KPNA1: variants seen among roughly 807,000 people sequenced by gnomAD.
KPNA1 encodes the protein importin subunit alpha-5.
In KPNA1, 10 loss-of-function variants were observed where a neutral mutation model predicts 70.5. The ratio of observed to expected loss-of-function variants is 0.14; its 90% CI spans 0.09 to 0.24. KPNA1 has a LOEUF of 0.24. Ranked by LOEUF, KPNA1 falls within the 10% of genes least tolerant of loss-of-function variation. KPNA1 has a pLI of 1.00. For synonymous variants in KPNA1, 192 were observed against 221.9 expected (o/e 0.87, Z 1.20); for missense variants, 397 against 637.9 (o/e 0.62, Z 4.07).
At chr3:122,432,348 T>C (rs980275721) in intron 12 of KPNA1, 3 of 152,238 alleles carry the variant, frequency 2.0e-5, no homozygotes, top group Admixed American at 6.5e-5. Context: ...TTCACCAAAA[T>C]AGCTACTGCA....
At chr3:122,485,319 T>C (rs547530881) in intron 2 of KPNA1, among the ~76,000 whole-genome samples, 31 of 152,244 alleles carry the variant, frequency 2.0e-4, no homozygotes, top group African/African-American at 7.0e-4. Flanking sequence ...GCTAGATAAA[T>C]AGACCAATAG....
At chr3:122,491,521 A>G (rs923464281) in intron 2 of KPNA1, among the ~76,000 whole-genome samples, 1 of 152,244 alleles carries the variant, frequency 6.6e-6, no homozygotes, top group African/African-American at 2.4e-5. Context: ...ACATGCAACT[A>G]ATACTACTAG....
chr3:122,497,299 A>G (rs1235646910), intron 1 of KPNA1, among the ~76,000 whole-genome samples: 2 of 152,164 alleles, frequency 1.3e-5, no homozygotes, highest in Admixed American at 6.5e-5. Context: ...ATTCCATTCT[A>G]TATATATACC....
chr3:122,460,257 C>G, intron 5 of KPNA1: 1 of 984,804 alleles, frequency 1.0e-6, no homozygotes. Flanking sequence ...TCTAAAAACC[C>G]AACTTTATCC....
chr3:122,458,283 T>C (rs1350439637), intron 5 of KPNA1, among the ~76,000 whole-genome samples: 1 of 152,182 alleles, frequency 6.6e-6, no homozygotes, highest in Non-Finnish European at 1.5e-5. Flanking sequence ...ACCAGTCTCA[T>C]GACAAGGGCT....
chr3:122,464,497 C>A (rs2076359329), intron 3 of KPNA1, among the ~76,000 whole-genome samples: 1 of 152,166 alleles, frequency 6.6e-6, no homozygotes, highest in African/African-American at 2.4e-5. Flanking sequence ...CTGTAACTTC[C>A]TTGTAAGCCC....
At chr3:122,445,597 A>G (rs921815491) in intron 9 of KPNA1, among the ~76,000 whole-genome samples, 2 of 152,250 alleles carry the variant, frequency 1.3e-5, no homozygotes, top group Non-Finnish European at 2.9e-5. Context: ...CAATGCTGGG[A>G]AGAAACTGCA....
intron 9 of KPNA1, among the ~76,000 whole-genome samples, chr3:122,447,062 T>C (rs1444560122): frequency 2.0e-5 from 3 of 152,118 alleles, no homozygotes; most frequent in Admixed American, 6.5e-5. Context: ...CAGGACCAGA[T>C]GGATTCACAG....
chr3:122,460,270 G>A (rs897457845), intron 5 of KPNA1: 4 of 984,390 alleles, frequency 4.1e-6, no homozygotes, highest in East Asian at 1.1e-4. Flanking sequence ...CTTTATCCAG[G>A]GGGAAAAAAA....
chr3:122,449,462 A>G, intron 9 of KPNA1, 112 bp downstream of exon 9: 2 of 890,256 alleles, frequency 2.2e-6, no homozygotes, highest in South Asian at 3.7e-5. Context: ...ACAGTAGCCC[A>G]AAGCACAATA....
intron 2 of KPNA1, 84 bp from the exon 3 acceptor site, chr3:122,467,513 A>C: frequency 7.0e-6 from 5 of 712,100 alleles, no homozygotes; most frequent in Non-Finnish European, 1.2e-5. Flanking sequence ...CACCCCATTC[A>C]AAGTGAAGTC....
Position 122,433,712 on chromosome 3 carries a change from G to A in KPNA1, c.1199C>T (p.Ala400Val). ...AGTTGCATTTGTGATGGCCCAAGCT[G>A]CTTCTTTTCTTGTCCGAAATTCAGC... ...QTAEFRTRKE[A>V]AWAITNATSG... is the part of the protein sequence containing the mutation. Residue 400 changes from alanine (A) to valine (V), a missense_variant, in exon 12 of 14, where the codon GCA becomes GTA. Ala to Val is a moderately conservative substitution (Grantham distance 64, BLOSUM62 0). Coordinates refer to ENST00000344337, the MANE Select transcript of KPNA1 (RefSeq NM_002264.4). 6.2e-7 allele frequency: 1 copy of A among 1,613,548 alleles called. No homozygotes were observed. The highest frequency in any genetic ancestry group is 8.5e-7 in the Non-Finnish European group (1 of 1,179,712).
intron 2 of KPNA1, among the ~76,000 whole-genome samples, chr3:122,472,281 T>C (rs144246223): frequency 5.6e-4 from 85 of 151,898 alleles, no homozygotes; most frequent in African/African-American, 2.0e-3. Flanking sequence ...ATAACAGAAA[T>C]ATAATTTTTA....
intron 9 of KPNA1, among the ~76,000 whole-genome samples, chr3:122,444,681 G>A (rs891961451): frequency 2.0e-5 from 3 of 152,192 alleles, no homozygotes; most frequent in African/African-American, 4.8e-5. Context: ...GAAGCTTCCA[G>A]AGAAAATATC....
At chr3:122,481,362 A>G (rs1012119631) in intron 2 of KPNA1, among the ~76,000 whole-genome samples, 2 of 152,250 alleles carry the variant, frequency 1.3e-5, no homozygotes, top group African/African-American at 4.8e-5. Flanking sequence ...GTACCAATAC[A>G]TGTTACAACA....
chr3:122,501,171 G>C (rs555216854), intron 1 of KPNA1, among the ~76,000 whole-genome samples: 2 of 151,526 alleles, frequency 1.3e-5, no homozygotes, highest in Non-Finnish European at 2.9e-5. Flanking sequence ...TAGGGTTACA[G>C]GCGACTGCCA....
intron 2 of KPNA1, among the ~76,000 whole-genome samples, chr3:122,468,086 T>C (rs2076401145): frequency 6.6e-6 from 1 of 152,178 alleles, no homozygotes; most frequent in African/African-American, 2.4e-5. Flanking sequence ...TCTCTCACGC[T>C]GAACAACTAA....
intron 9 of KPNA1, among the ~76,000 whole-genome samples, chr3:122,444,385 T>A (rs2076106965): frequency 6.6e-6 from 1 of 152,194 alleles, no homozygotes; most frequent in Admixed American, 6.5e-5. Flanking sequence ...ATTAAGAGAT[T>A]AAAGACAGGC....
chr3:122,470,543 A>AATAG (rs892317668), intron 2 of KPNA1, among the ~76,000 whole-genome samples: 2 of 151,732 alleles, frequency 1.3e-5, no homozygotes, highest in African/African-American at 4.8e-5. Context: ...TAAATAAATA[A>AATAG]ATAAATAAAA....
Sources: allele counts gnomAD v4.1 joint callset (sites outside exome capture counted in the v4.1 genomes callset), GRCh38; gene constraint gnomAD v4.1.1; transcripts MANE v1.5; gene names NCBI Gene and HGNC (gene_info 2026-07-23, HGNC 2026-07-21).